The following PRKAR1A variants were observed in gnomAD, a reference collection of about 807,000 sequenced individuals.
The protein encoded by PRKAR1A is protein kinase cAMP-dependent type I regulatory subunit alpha, also known as cAMP-dependent protein kinase type I-alpha regulatory subunit.
PRKAR1A carries 3 observed loss-of-function variants against 52.0 expected under a neutral mutation model. The observed-to-expected ratio is 0.06, with a 90% CI of 0.03 to 0.15. The LOEUF (loss-of-function observed/expected upper bound fraction) is 0.15, where lower values mean the gene tolerates loss of function less well. PRKAR1A is among the 10% of genes least tolerant of loss of function. PRKAR1A has a pLI of 1.00. For missense variants in PRKAR1A, 240 were observed against 477.4 expected, an observed-to-expected ratio of 0.50 and a Z score of 4.63; for synonymous variants, 188 against 168.4, an observed-to-expected ratio of 1.12 and a Z score of -0.90.
At chr17:68,440,783 A>C in the PRKAR1A span, 3 of 152,198 alleles carry the variant, frequency 2.0e-5, no homozygotes, top group African/African-American at 7.2e-5. Flanking sequence ...ATTCTAAATG[A>C]TTCTCATCTT....
At chr17:68,528,282 G>A (rs940628482) in intron 8 of PRKAR1A, among the ~76,000 whole-genome samples, 2 of 152,164 alleles carry the variant, frequency 1.3e-5, no homozygotes, top group African/African-American at 4.8e-5. Flanking sequence ...GTTAGAACTT[G>A]TTCTTCATGA....
intron 6 of PRKAR1A, among the ~76,000 whole-genome samples, 174 bp from the exon 7 acceptor site, chr17:68,525,566 AGACACTCTTAACTC>A: frequency 6.6e-6 from 1 of 152,348 alleles, no homozygotes; most frequent in South Asian, 2.1e-4. Flanking sequence ...GGTAAATTAT[AGACACTCTTAACTC>A]ATTTAACTCG....
chr17:68,541,904 G>GC, intron 11 of PRKAR1A: 1 of 1,504,376 alleles, frequency 6.6e-7, no homozygotes, highest in Non-Finnish European at 9.0e-7. Flanking sequence ...AGATTCAAAA[G>GC]CCAAGCTAGC....
chr17:68,523,883 C>G, intron 4 of PRKAR1A, 67 bp downstream of exon 4: 2 of 1,584,030 alleles, frequency 1.3e-6, no homozygotes, highest in Non-Finnish European at 1.7e-6. Flanking sequence ...GTTTTCAACA[C>G]TTGTTGCAAG....
chr17:68,523,728 A>G lies in PRKAR1A; in HGVS notation c.352A>G (p.Ile118Val). The G allele has an allele frequency of 1.2e-6, 2 of 1,612,214 alleles. No individual in the cohort carries two copies. Among genetic ancestry groups the G allele is most frequent in the Non-Finnish European group, 8.5e-7 (1 of 1,178,910 alleles). Residue 118 changes from isoleucine to valine, a missense_variant, in exon 4 of 11, where the codon ATA becomes GTA. By Grantham distance (29) the Ile-to-Val change is conservative. Around this residue, in one of 4 missense-constraint regions of PRKAR1A, gnomAD observed 107 missense variants for 290.9 expected, o/e 0.37. Transcript: ENST00000589228. ...TTGACCTTCAGTTCTTTTCTAGGTT[A>G]TACCAAAAGATTACAAGACAATGGC... Reference protein sequence around the residue: ...EDAASYVRKVIPKDYKTMAAL... With the variant: ...EDAASYVRKVVPKDYKTMAAL...
At chr17:68,520,948 A>T (rs1457818098) in intron 2 of PRKAR1A, among the ~76,000 whole-genome samples, 1 of 151,842 alleles carries the variant, frequency 6.6e-6, no homozygotes, top group Admixed American at 6.6e-5. Flanking sequence ...TTTTATTTTT[A>T]TTATTATTTT....
downstream of PRKAR1A, chr17:68,537,293 C>T (rs775273366): frequency 9.8e-5 from 78 of 796,550 alleles, no homozygotes; most frequent in East Asian, 7.0e-4. The surrounding 1 kb of genome is among the most constrained non-coding windows in gnomAD (Gnocchi z 4.2). Flanking sequence ...ACGACAGAAG[C>T]GGTGCACCAA....
At chr17:68,444,603 G>A in the PRKAR1A span, 1 of 1,606,148 alleles carries the variant, frequency 6.2e-7, no homozygotes, top group Non-Finnish European at 8.5e-7. Flanking sequence ...TAATCACACA[G>A]ACTTATCAGT....
intron 2 of PRKAR1A, among the ~76,000 whole-genome samples, chr17:68,520,826 G>A (rs1375230231): frequency 6.6e-6 from 1 of 152,202 alleles, no homozygotes; most frequent in Non-Finnish European, 1.5e-5. Context: ...AGTCCCAAGT[G>A]AAATGTTATT....
At chr17:68,449,794 C>T in the PRKAR1A span, among the ~76,000 whole-genome samples, 37 of 152,278 alleles carry the variant, frequency 2.4e-4, no homozygotes, top group Non-Finnish European at 4.4e-4. Context: ...ACCCAATCTC[C>T]GGTAGTTCTT....
chr17:68,444,682 T>G, the PRKAR1A span: 1 of 1,060,894 alleles, frequency 9.4e-7, no homozygotes, highest in Admixed American at 2.6e-5. Flanking sequence ...GAGTCCTAAC[T>G]TGATTCTAAG....
chr17:68,535,852 G>A (rs1405790534), downstream of PRKAR1A: 1 of 453,894 alleles, frequency 2.2e-6, no homozygotes, highest in South Asian at 1.6e-5. Context: ...AATTGGGTGG[G>A]ATACTGTTGG....
At chr17:68,478,947 C>T in the PRKAR1A span, among the ~76,000 whole-genome samples, 11 of 152,232 alleles carry the variant, frequency 7.2e-5, no homozygotes, top group Admixed American at 2.6e-4. Flanking sequence ...AGGCTGGTCT[C>T]GAACTCCCAA....
At chr17:68,489,832 A>G in the PRKAR1A span, among the ~76,000 whole-genome samples, 2 of 152,142 alleles carry the variant, frequency 1.3e-5, no homozygotes, top group Non-Finnish European at 2.9e-5. Flanking sequence ...CTGGGATTAT[A>G]GGCGTGAGGC....
At chr17:68,444,250 G>T in the PRKAR1A span, among the ~76,000 whole-genome samples, 46 of 152,240 alleles carry the variant, frequency 3.0e-4, no homozygotes, top group Admixed American at 2.7e-3. Context: ...TGCTGATATG[G>T]GTCCCAGACA....
At chr17:68,455,436 G>A in the PRKAR1A span, among the ~76,000 whole-genome samples, 1 of 151,920 alleles carries the variant, frequency 6.6e-6, no homozygotes, top group South Asian at 2.1e-4. Flanking sequence ...TAGGGGACTG[G>A]TAAGGGTTTG....
intron 11 of PRKAR1A, chr17:68,543,554 G>A (rs751012911): frequency 9.2e-6 from 12 of 1,304,452 alleles, no homozygotes; most frequent in Non-Finnish European, 1.3e-5. Flanking sequence ...TTCCCACCTT[G>A]AGGGTCTGTC....
chr17:68,434,453 G>T, the PRKAR1A span: 1 of 1,184,598 alleles, frequency 8.4e-7, no homozygotes, highest in Non-Finnish European at 1.2e-6. Context: ...CCAGGTGAGT[G>T]GAGGGCACAG....
the PRKAR1A span, among the ~76,000 whole-genome samples, chr17:68,488,205 G>T: frequency 1.3e-5 from 2 of 152,290 alleles, no homozygotes; most frequent in Non-Finnish European, 2.9e-5. Flanking sequence ...CTGAGATCGA[G>T]GTGGGCCTGG....
Sources: allele counts gnomAD v4.1 joint callset (sites outside exome capture counted in the v4.1 genomes callset), GRCh38; gene constraint gnomAD v4.1.1; regional missense constraint gnomAD v4.1.1; non-coding constraint Gnocchi (gnomAD v3.1); transcripts MANE v1.5; gene names NCBI Gene and HGNC (gene_info 2026-07-23, HGNC 2026-07-21).